NPM3: variants seen among roughly 807,000 people sequenced by gnomAD.
The protein encoded by NPM3 is nucleoplasmin-3.
In NPM3, 12 loss-of-function variants were observed where a neutral mutation model predicts 18.1. The observed-to-expected ratio is 0.66, with a 90% confidence interval of 0.42 to 1.07. NPM3 has a LOEUF of 1.07. Among genes scored for constraint, NPM3 ranks in the 50% least tolerant of loss-of-function variants. NPM3 has a pLI of 0.00. For synonymous variants in NPM3, 116 were observed against 93.7 expected (o/e 1.24, Z -1.38); for missense variants, 274 against 232.1 (o/e 1.18, Z -1.17).
chr10:101,782,658 G>T, intron 2 of NPM3, 61 bp from the exon 3 acceptor site: 1 of 1,609,440 alleles, frequency 6.2e-7, no homozygotes. Context: ...CACAACTAAA[G>T]GCATCTACCC....
chr10:101,782,603 A>G lies in NPM3; in HGVS notation c.205-6T>C. 1 of 1,613,676 alleles carries G rather than the reference A, an allele frequency of 6.2e-7. No homozygotes were observed. The highest frequency in any genetic ancestry group is 8.5e-7 in the Non-Finnish European group (1 of 1,179,976). ...GCTCCCTCGGTGAGGCAGAGCTGGG[A>G]ACGGTACACAGGGCCTCAGGGTCTC... On this transcript the variant is annotated splice_polypyrimidine_tract_variant and splice_region_variant and intron_variant, in intron 2 of 5. Transcript: ENST00000370110.
At chr10:101,782,143 C>T in intron 4 of NPM3, 115 bp downstream of exon 4, 1 of 1,011,980 alleles carries the variant, frequency 9.9e-7, no homozygotes, top group South Asian at 1.5e-5. Flanking sequence ...GGCACACAGA[C>T]CTGTACAGGG....
intron 3 of NPM3, 21 bp from the exon 4 acceptor site, chr10:101,782,372 A>T: frequency 3.7e-6 from 6 of 1,612,212 alleles, no homozygotes; most frequent in Non-Finnish European, 5.1e-6. Context: ...GACAAGGATG[A>T]AGGCCTGGCC....
At chr10:101,781,905 T>A (rs2065144103) in intron 4 of NPM3, 51 bp from the exon 5 acceptor site, 4 of 1,614,010 alleles carry the variant, frequency 2.5e-6, no homozygotes, top group Non-Finnish European at 3.4e-6. Flanking sequence ...CCAGACCGTT[T>A]CACACCGCAT....
chr10:101,781,627 G>A, exon 6 of NPM3: 1 of 1,262,126 alleles, frequency 7.9e-7, no homozygotes, highest in Non-Finnish European at 1.1e-6. Flanking sequence ...GGCACATGGA[G>A]CTGACCTGAA....
exon 6 of NPM3, chr10:101,781,527 C>A: frequency 3.4e-6 from 1 of 293,452 alleles, no homozygotes; most frequent in Non-Finnish European, 6.6e-6. Flanking sequence ...AAGTCCCTCC[C>A]ACCCAACCCC....
At chr10:101,781,979 A>G in intron 4 of NPM3, 125 bp from the exon 5 acceptor site, 1 of 1,508,240 alleles carries the variant, frequency 6.6e-7, no homozygotes, top group Non-Finnish European at 9.1e-7. Context: ...CTTATGGGCT[A>G]GGTGGGAAGA....
In NPM3 at chr10:101,783,343, GCTCTC is replaced by G; in HGVS notation, c.43_47del (p.Glu15ProfsTer26). On this transcript the variant is annotated frameshift_variant, in exon 1 of 6. Coordinates refer to ENST00000370110, the Ensembl canonical transcript of NPM3. LOFTEE classifies it high-confidence loss of function. ...CCCCGACACCCCCGGCCCGCGTTCGGCTCTCCTGACTCAAAAACGCTAAGGCAGCT... is the reference window on the plus strand; with the variant it reads ...CCCCGACACCCCCGGCCCGCGTTCGGCTGACTCAAAAACGCTAAGGCAGCT... The G allele has an allele frequency of 6.2e-7, 1 of 1,613,062 alleles. No homozygotes were observed. Among genetic ancestry groups the G allele is most frequent in the Non-Finnish European group, 8.5e-7 (1 of 1,179,552 alleles).
chr10:101,782,256 A>G lies in NPM3; in HGVS notation c.418+2T>C. On this transcript the variant is annotated splice_donor_variant, in intron 4 of 5. Transcript: ENST00000370110. LOFTEE classifies it high-confidence loss of function. ...AAGGAGAGGGCCCTCCCCTCTTCTC[A>G]CCAATCTGGTGCCGCCCAGTGATCC... 6.2e-7 allele frequency: 1 copy of G among 1,612,894 alleles called. No homozygotes were observed. Among genetic ancestry groups the G allele is most frequent in the African/African-American group, 1.3e-5 (1 of 74,998 alleles).
At chr10:101,782,412 G>A in intron 3 of NPM3, 61 bp from the exon 4 acceptor site, 1 of 1,602,432 alleles carries the variant, frequency 6.2e-7, no homozygotes, top group Non-Finnish European at 8.5e-7. Flanking sequence ...ACTGTAATGA[G>A]TGCTAACGTC....
chr10:101,782,955 C>T, intron 1 of NPM3, 31 bp from the exon 2 acceptor site: 1 of 1,604,660 alleles, frequency 6.2e-7, no homozygotes, highest in Non-Finnish European at 8.5e-7. Context: ...TATGCCTGAG[C>T]GTGTGTACGG....
In NPM3 at chr10:101,782,210, T is replaced by C. The variant is rs2065146424; in HGVS notation, c.418+48A>G. The C allele has an allele frequency of 2.6e-6, 4 of 1,512,430 alleles. No individual in the cohort carries two copies. The East Asian group carries it at 9.3e-5, about 35-fold the overall frequency. 93.7% of individuals were successfully genotyped at this position (1,512,430 alleles called of 1,614,324 possible). On this transcript the variant is annotated intron_variant, in intron 4 of 5. Coordinates refer to ENST00000370110, the Ensembl canonical transcript of NPM3. Reference sequence around the variant, plus strand: ...GGAGTGCGGAGTGGGGGAAGCCTGATGGGAGAGTCCACTGGAAGCAAAGGA... The same window carrying C: ...GGAGTGCGGAGTGGGGGAAGCCTGACGGGAGAGTCCACTGGAAGCAAAGGA...
At chr10:101,781,445 G>T in exon 6 of NPM3, 1 of 431,896 alleles carries the variant, frequency 2.3e-6, no homozygotes, top group Non-Finnish European at 4.1e-6. Context: ...GGGAAGGGAG[G>T]CCCCGGGCAT....
exon 5 of NPM3, chr10:101,781,838 A>C (rs35851375): frequency 4.3e-6 from 7 of 1,613,976 alleles, no homozygotes; most frequent in Non-Finnish European, 5.9e-6. Context: ...CCTCAGAAAC[A>C]TCATTGCTCA....
At chr10:101,783,355 C>G (rs1436982593) in exon 1 of NPM3, 2 of 1,612,954 alleles carry the variant, frequency 1.2e-6, no homozygotes, top group Admixed American at 3.3e-5. Context: ...TCTCCTGACT[C>G]AAAAACGCTA....
At chr10:101,783,310 C>G (rs760580743) in exon 1 of NPM3, 1 of 1,612,722 alleles carries the variant, frequency 6.2e-7, no homozygotes, top group South Asian at 1.1e-5. Context: ...GGGCCGGGAC[C>G]CGTAGGCCCC....
At chr10:101,783,357 A>G (rs1295000968) in exon 1 of NPM3, 1 of 1,612,816 alleles carries the variant, frequency 6.2e-7, no homozygotes, top group East Asian at 2.2e-5. Flanking sequence ...TCCTGACTCA[A>G]AAACGCTAAG....
chr10:101,783,120 C>A (rs1589818054), intron 1 of NPM3, among the ~76,000 whole-genome samples, 153 bp downstream of exon 1: 1 of 152,078 alleles, frequency 6.6e-6, no homozygotes, highest in East Asian at 1.9e-4. Flanking sequence ...TCTCGCCACC[C>A]CCTTTGGCTG....
chr10:101,782,182 G>T (rs953484901), intron 4 of NPM3, 76 bp downstream of exon 4: 2 of 1,296,756 alleles, frequency 1.5e-6, no homozygotes, highest in Admixed American at 1.9e-5. Context: ...GTGGGATGGG[G>T]CAGGAGTGCG....
Sources: gnomAD v4.1 joint callset for allele counts (sites outside exome capture counted in the v4.1 genomes callset) on GRCh38, gnomAD v4.1.1 for gene constraint, MANE v1.5 for transcripts, NCBI Gene and HGNC (gene_info 2026-07-23, HGNC 2026-07-21) for gene names.